LPP: variants seen among roughly 807,000 people sequenced by gnomAD.
LPP encodes LIM domain containing preferred translocation partner in lipoma.
Under a neutral mutation model 60.4 loss-of-function variants are expected in LPP, and 38 were observed. The observed-to-expected ratio is 0.63, with a 90% CI of 0.49 to 0.83. The LOEUF is 0.83. Ranked by LOEUF, LPP falls within the 40% of genes least tolerant of loss-of-function variation. The pLI, the probability that LPP is intolerant of heterozygous loss-of-function variation, is 0.00. For missense variants in LPP, 902 were observed against 783.6 expected (o/e 1.15, Z -1.80); for synonymous variants, 328 against 290.8 (o/e 1.13, Z -1.30).
chr3:188,647,201 G>C (rs1851259998), intron 7 of LPP, among the ~76,000 whole-genome samples: 1 of 152,200 alleles, frequency 6.6e-6, no homozygotes, highest in Non-Finnish European at 1.5e-5. Context: ...CCACCATCCA[G>C]CTCTGACCTG....
intron 9 of LPP, among the ~76,000 whole-genome samples, chr3:188,810,779 G>C (rs143634127): frequency 2.0e-5 from 3 of 152,226 alleles, no homozygotes; most frequent in African/African-American, 4.8e-5. Flanking sequence ...TTTGCACACT[G>C]TCTGGCTTGT....
chr3:188,507,850 G>A (rs772047001), intron 5 of LPP, among the ~76,000 whole-genome samples: 17 of 152,170 alleles, frequency 1.1e-4, no homozygotes, highest in Non-Finnish European at 2.5e-4. Context: ...TTCAGTTTCT[G>A]TCCTTGGTAA....
chr3:188,567,169 C>T (rs924435996), intron 6 of LPP, among the ~76,000 whole-genome samples: 1 of 151,820 alleles, frequency 6.6e-6, no homozygotes, highest in African/African-American at 2.4e-5. Context: ...ATTTTATGGG[C>T]TTCTGAGAGA....
chr3:188,365,117 C>T (rs997695299), intron 3 of LPP, among the ~76,000 whole-genome samples: 17 of 142,804 alleles, frequency 1.2e-4, no homozygotes, highest in African/African-American at 3.6e-4. Context: ...AATAGAAGCG[C>T]TTTTTTTTTT....
intron 2 of LPP, among the ~76,000 whole-genome samples, chr3:188,301,616 A>G (rs180945072): frequency 6.6e-6 from 1 of 152,088 alleles, no homozygotes; most frequent in African/African-American, 2.4e-5. Context: ...GAAAAGTCAA[A>G]GATATACAAT....
At chr3:188,442,200 T>C (rs1794164548) in intron 4 of LPP, among the ~76,000 whole-genome samples, 1 of 152,194 alleles carries the variant, frequency 6.6e-6, no homozygotes, top group Non-Finnish European at 1.5e-5. Flanking sequence ...GGTATACATG[T>C]GCCATGTTGG....
intron 1 of LPP, among the ~76,000 whole-genome samples, chr3:188,199,771 A>G (rs868484529): frequency 3.3e-5 from 5 of 151,428 alleles, no homozygotes; most frequent in Non-Finnish European, 5.9e-5. Context: ...CTGGAGTTCA[A>G]TGGCGTGATC....
At chr3:188,377,867 C>G (rs994325542) in intron 3 of LPP, among the ~76,000 whole-genome samples, 2 of 152,066 alleles carry the variant, frequency 1.3e-5, no homozygotes, top group Non-Finnish European at 2.9e-5. Context: ...ATGATGGTGA[C>G]ATACAGGTGG....
chr3:188,656,965 A>G (rs1056678319), intron 7 of LPP, among the ~76,000 whole-genome samples: 17 of 152,090 alleles, frequency 1.1e-4, no homozygotes, highest in African/African-American at 4.1e-4. Context: ...TACCACTTCT[A>G]GCTAACCACT....
intron 5 of LPP, among the ~76,000 whole-genome samples, chr3:188,507,089 G>T (rs1432854581): frequency 6.6e-6 from 1 of 152,060 alleles, no homozygotes; most frequent in Non-Finnish European, 1.5e-5. Flanking sequence ...GAGCCACCAC[G>T]CCCGGCCCAT....
intron 4 of LPP, among the ~76,000 whole-genome samples, chr3:188,459,797 G>A (rs1418692550): frequency 6.6e-6 from 1 of 151,534 alleles, no homozygotes; most frequent in Non-Finnish European, 1.5e-5. Flanking sequence ...TCAGATCAAG[G>A]GAATACTTAT....
chr3:188,736,532 G>T (rs756031138), intron 8 of LPP, among the ~76,000 whole-genome samples: 2 of 152,066 alleles, frequency 1.3e-5, no homozygotes, highest in African/African-American at 2.4e-5. Flanking sequence ...AGAAACTACT[G>T]TCATTTGCTG....
intron 6 of LPP, among the ~76,000 whole-genome samples, chr3:188,582,154 CTTTTTTTT>C (rs10565240): frequency 2.0e-5 from 2 of 102,228 alleles, no homozygotes; most frequent in Non-Finnish European, 1.9e-5. Context: ...TTTTCTTTTT[CTTTTTTTT>C]TTTTTTTTTT....
chr3:188,462,049 A>G (rs1799072504), intron 4 of LPP, among the ~76,000 whole-genome samples: 1 of 152,078 alleles, frequency 6.6e-6, no homozygotes, highest in Non-Finnish European at 1.5e-5. Flanking sequence ...AATAGTGCCT[A>G]TTGCTTTGTT....
intron 6 of LPP, among the ~76,000 whole-genome samples, chr3:188,576,020 T>C (rs1222867579): frequency 6.6e-6 from 1 of 152,166 alleles, no homozygotes; most frequent in Non-Finnish European, 1.5e-5. Context: ...CTGGATACTT[T>C]CCACCCCCAA....
chr3:188,780,680 C>G (rs1038599673), intron 9 of LPP, among the ~76,000 whole-genome samples: 2 of 152,176 alleles, frequency 1.3e-5, no homozygotes, highest in African/African-American at 4.8e-5. Flanking sequence ...TCTCTACCTT[C>G]CTGACCTCAA....
chr3:188,718,041 G>A (rs969929048), intron 8 of LPP, among the ~76,000 whole-genome samples: 6 of 152,082 alleles, frequency 3.9e-5, no homozygotes, highest in East Asian at 1.9e-4. Flanking sequence ...GGCTGATCTC[G>A]AACTCCCGAC....
At chr3:188,212,212 C>A (rs1711547050) in intron 1 of LPP, among the ~76,000 whole-genome samples, 1 of 152,166 alleles carries the variant, frequency 6.6e-6, no homozygotes, top group Non-Finnish European at 1.5e-5. Context: ...AGCTTAAATT[C>A]TTGTGACCTT....
Position 188,265,362 on chromosome 3 carries a change from CT to C in LPP, c.-67+39836del, listed in dbSNP as rs546911978. On this transcript the variant is annotated intron_variant, in intron 2 of 11. Coordinates refer to ENST00000617246, the MANE Select transcript of LPP (RefSeq NM_001375462.1). ...AAATTAAGATAGTGAAAGAGGACCC[CT>C]GTCTGCGAAGAAAGAGCTCATGTTT... is the stretch of plus-strand genomic sequence containing the variant. 3.9e-5 allele frequency among the ~76,000 whole-genome samples: 6 copies of C among 152,334 alleles called. No homozygotes were observed. The South Asian group carries it at 1.2e-3, about 32-fold the overall frequency.
Sources: allele counts gnomAD v4.1 joint callset (sites outside exome capture counted in the v4.1 genomes callset), GRCh38; gene constraint gnomAD v4.1.1; transcripts MANE v1.5; gene names NCBI Gene and HGNC (gene_info 2026-07-23, HGNC 2026-07-21).